Variants in WDR49 observed in about 807,000 individuals in gnomAD.
WDR49 encodes cilia- and flagella-associated protein 337.
Under a neutral mutation model 119.5 loss-of-function variants are expected in WDR49, and 107 were observed. That is an observed-to-expected ratio of 0.90 (90% CI 0.77 to 1.05). WDR49 has a LOEUF of 1.05. Ranked by LOEUF, WDR49 falls within the 50% of genes least tolerant of loss-of-function variation. The probability of loss-of-function intolerance (pLI) is 0.00; values close to 1 mark genes in which losing one functional copy is unlikely to be tolerated. For synonymous variants in WDR49, 425 were observed against 418.8 expected, an observed-to-expected ratio of 1.01 and a Z score of -0.18; for missense variants, 1,240 against 1,220.5, an observed-to-expected ratio of 1.02 and a Z score of -0.24.
intron 16 of WDR49, among the ~76,000 whole-genome samples, chr3:167,517,147 T>G (rs1052362510): frequency 3.3e-5 from 5 of 152,010 alleles, no homozygotes; most frequent in Admixed American, 1.3e-4. Flanking sequence ...CTTGACATTC[T>G]TGACAGAATT....
At chr3:167,630,982 C>A (rs574895863) in intron 2 of WDR49, among the ~76,000 whole-genome samples, 1 of 152,014 alleles carries the variant, frequency 6.6e-6, no homozygotes, top group Non-Finnish European at 1.5e-5. Context: ...CACCACCACA[C>A]TTGGGGGCCA....
At chr3:167,645,145 T>C (rs1718057047) in intron 2 of WDR49, among the ~76,000 whole-genome samples, 1 of 151,936 alleles carries the variant, frequency 6.6e-6, no homozygotes, top group South Asian at 2.1e-4. Flanking sequence ...GGAAATTTCA[T>C]GTTTAGCTTG....
intron 18 of WDR49, among the ~76,000 whole-genome samples, chr3:167,482,558 G>C (rs561349109): frequency 6.6e-6 from 1 of 151,170 alleles, no homozygotes. Context: ...GGGCGCCTGT[G>C]GTCCCAGCTA....
intron 7 of WDR49, among the ~76,000 whole-genome samples, chr3:167,584,738 C>G (rs964271906): frequency 5.3e-5 from 8 of 151,874 alleles, no homozygotes; most frequent in Admixed American, 1.3e-4. Context: ...AAAAAATCTA[C>G]ACAAAAATGA....
intron 7 of WDR49, among the ~76,000 whole-genome samples, chr3:167,582,139 T>C (rs1211109089): frequency 1.3e-5 from 2 of 151,662 alleles, no homozygotes; most frequent in Admixed American, 6.6e-5. Context: ...CACAAATGGA[T>C]AGCATACTTG....
At chr3:167,647,108 A>G (rs1240533762) in intron 2 of WDR49, among the ~76,000 whole-genome samples, 4 of 152,216 alleles carry the variant, frequency 2.6e-5, no homozygotes, top group Middle Eastern at 3.4e-3. Context: ...TTCTTGTTTA[A>G]CTCTCAGGAA....
At position 167,536,951 on chromosome 3, in the gene WDR49, G is replaced by C; in HGVS notation, c.1873C>G (p.Pro625Ala). ...TGTATACCTCCTTTCCATTCTTCAG[G>C]CTGGATGAAAAATTGATTGAAGTTT... ...PQNFNQFFIQ[P>A]EEWKGGIQHH... Residue 625 changes from proline (P) to alanine (A), a missense_variant, in exon 11 of 19, where the codon CCT (proline) becomes GCT (alanine). By Grantham distance (27) the Pro-to-Ala change is conservative. Transcript: ENST00000682715. 1 of 1,590,214 alleles carries C rather than the reference G, an allele frequency of 6.3e-7. No individual in the cohort carries two copies. The highest frequency in any genetic ancestry group is 1.2e-5 in the South Asian group (1 of 86,956).
rs77157538 is a variant in WDR49, at chr3:167,496,463, AT to A, written c.3031+3689del. 2.7e-3 allele frequency among the ~76,000 whole-genome samples: 383 copies of A among 142,356 alleles called. 2 individuals are homozygous for A. Among genetic ancestry groups the A allele is most frequent in the East Asian group, 7.9e-3 (39 of 4,920 alleles). 93.4% of individuals were successfully genotyped at this position (142,356 alleles called of 152,430 possible). On this transcript the variant is annotated intron_variant, in intron 18 of 18. Transcript: ENST00000682715. ...CTCTACCAGAGTATCATCCCCCGCT[AT>A]TTTTTTTTTTTAACCTGGCTCATAG...
chr3:167,550,253 G>A (rs1008748512), intron 10 of WDR49, among the ~76,000 whole-genome samples: 1 of 152,104 alleles, frequency 6.6e-6, no homozygotes, highest in Admixed American at 6.6e-5. Context: ...AGCTTGCTGG[G>A]GAGGGCATTG....
At chr3:167,509,770 G>C (rs546487361) in intron 16 of WDR49, among the ~76,000 whole-genome samples, 1 of 152,184 alleles carries the variant, frequency 6.6e-6, no homozygotes, top group African/African-American at 2.4e-5. Context: ...TGTTTTCCCA[G>C]TTAAAATTTG....
At chr3:167,556,910 A>G (rs1712961769) in intron 9 of WDR49, among the ~76,000 whole-genome samples, 1 of 152,208 alleles carries the variant, frequency 6.6e-6, no homozygotes, top group African/African-American at 2.4e-5. Flanking sequence ...CTGTAGTCCC[A>G]GCTACTCGGG....
At position 167,653,443 on chromosome 3, in the gene WDR49, T is replaced by A; in HGVS notation, c.-18A>T. 1 of 1,473,582 alleles carries A rather than the reference T, an allele frequency of 6.8e-7. No homozygotes were observed. The highest frequency in any genetic ancestry group is 8.9e-7 in the Non-Finnish European group (1 of 1,119,542). 91.3% of individuals were successfully genotyped at this position (1,473,582 alleles called of 1,614,324 possible). A position where few individuals can be genotyped will look rare whatever the true frequency, so the allele number is the denominator to read the frequency against. ...CAACTCATAATGGCTTCACCTTTTC[T>A]CAGTTGCCTTCAACTATTTCTATAA... On this transcript the variant is annotated 5_prime_UTR_variant, in exon 2 of 19. Coordinates refer to ENST00000682715, the MANE Select transcript of WDR49 (RefSeq NM_001366157.1).
At chr3:167,645,123 C>A (rs2108343967) in intron 2 of WDR49, among the ~76,000 whole-genome samples, 1 of 151,956 alleles carries the variant, frequency 6.6e-6, no homozygotes, top group African/African-American at 2.4e-5. Flanking sequence ...TGAGAATGGA[C>A]CATGCTAAGG....
intron 8 of WDR49, among the ~76,000 whole-genome samples, chr3:167,574,540 TACTCA>T (rs1714131515): frequency 6.6e-6 from 1 of 152,294 alleles, no homozygotes; most frequent in African/African-American, 2.4e-5. Context: ...GAGGTGTAAA[TACTCA>T]ACTCAATTGT....
At chr3:167,513,469 A>G (rs533324863) in intron 16 of WDR49, among the ~76,000 whole-genome samples, 1 of 152,340 alleles carries the variant, frequency 6.6e-6, no homozygotes, top group South Asian at 2.1e-4. Context: ...AGCACTGAAT[A>G]TGAAAAGGAA....
intron 7 of WDR49, among the ~76,000 whole-genome samples, chr3:167,586,518 A>C (rs1714823195): frequency 6.6e-6 from 1 of 152,206 alleles, no homozygotes; most frequent in African/African-American, 2.4e-5. Context: ...TTGTCTATAG[A>C]TCTTCTAATT....
intron 5 of WDR49, among the ~76,000 whole-genome samples, chr3:167,609,183 C>T (rs1188472119): frequency 6.6e-6 from 1 of 152,088 alleles, no homozygotes; most frequent in African/African-American, 2.4e-5. Context: ...TGCAAGGACA[C>T]CAAGTTAACA....
chr3:167,488,042 T>G (rs980920792), intron 18 of WDR49, among the ~76,000 whole-genome samples: 1 of 151,542 alleles, frequency 6.6e-6, no homozygotes, highest in Non-Finnish European at 1.5e-5. Context: ...AAAAGGAAAA[T>G]GCATTCATGT....
intron 10 of WDR49, among the ~76,000 whole-genome samples, chr3:167,540,645 T>C (rs909587858): frequency 6.6e-6 from 1 of 152,072 alleles, no homozygotes; most frequent in African/African-American, 2.4e-5. Context: ...ATCAAGATTC[T>C]ATAACACCCG....
Sources: allele counts gnomAD v4.1 joint callset (sites outside exome capture counted in the v4.1 genomes callset), GRCh38; gene constraint gnomAD v4.1.1; transcripts MANE v1.5; gene names NCBI Gene and HGNC (gene_info 2026-07-23, HGNC 2026-07-21).